The following JAZF1 variants were observed in gnomAD, a reference collection of about 807,000 sequenced individuals.
JAZF1 encodes the protein juxtaposed with another zinc finger protein 1.
Under a neutral mutation model 26.4 loss-of-function variants are expected in JAZF1, and 8 were observed. That is an observed-to-expected ratio of 0.30 (90% CI 0.18 to 0.55). The LOEUF is 0.55. Ranked by LOEUF, JAZF1 falls within the 20% of genes least tolerant of loss-of-function variation. JAZF1 has a pLI of 0.94. For synonymous variants in JAZF1, 126 were observed against 122.3 expected (o/e 1.03, Z -0.20); for missense variants, 199 against 322.0 (o/e 0.62, Z 2.92).
At chr7:28,115,753 T>C (rs1583568623) in intron 1 of JAZF1, among the ~76,000 whole-genome samples, 1 of 152,072 alleles carries the variant, frequency 6.6e-6, no homozygotes. Flanking sequence ...ATCCATGCTA[T>C]CCCCCACCTA....
rs577868279 is a variant in JAZF1 at position 27,960,962 on chromosome 7, A to G, written c.188+30947T>C. Reference sequence around the variant, plus strand: ...GAAAACCCTGGGGTGTTATAGAGGGAGCATGTGAGAGCAGGCAGTGCAGAA... The same window carrying G: ...GAAAACCCTGGGGTGTTATAGAGGGGGCATGTGAGAGCAGGCAGTGCAGAA... On this transcript the variant is annotated intron_variant, in intron 2 of 4. Coordinates refer to ENST00000283928, the MANE Select transcript of JAZF1 (RefSeq NM_175061.4). 2.6e-5 allele frequency among the ~76,000 whole-genome samples: 4 copies of G among 152,308 alleles called. No individual in the cohort carries two copies. In the South Asian group the frequency reaches 8.3e-4, roughly 32 times the overall value.
chr7:28,115,407 T>C (rs1784726458), intron 1 of JAZF1, among the ~76,000 whole-genome samples: 1 of 152,188 alleles, frequency 6.6e-6, no homozygotes, highest in South Asian at 2.1e-4. Context: ...CACATCTCAA[T>C]TTAGACTAGC....
chr7:27,910,349 A>G (rs775530335), intron 2 of JAZF1, among the ~76,000 whole-genome samples: 4 of 152,210 alleles, frequency 2.6e-5, no homozygotes, highest in Non-Finnish European at 5.9e-5. Flanking sequence ...TTTATGGGTT[A>G]TCTGGAAAAA....
intron 1 of JAZF1, among the ~76,000 whole-genome samples, chr7:28,153,312 C>T (rs937692797): frequency 3.5e-4 from 52 of 148,930 alleles, no homozygotes; most frequent in African/African-American, 1.2e-3. Context: ...AAGCATCACA[C>T]TTCCACTAAA....
At chr7:28,090,455 T>C (rs1784275956) in intron 1 of JAZF1, among the ~76,000 whole-genome samples, 1 of 152,244 alleles carries the variant, frequency 6.6e-6, no homozygotes, top group African/African-American at 2.4e-5. Flanking sequence ...AATCAAAGCA[T>C]AAGACTCTAG....
intron 2 of JAZF1, among the ~76,000 whole-genome samples, chr7:27,983,636 G>A (rs566015082): frequency 6.6e-5 from 10 of 152,224 alleles, no homozygotes; most frequent in African/African-American, 2.4e-4. Context: ...GCAACTCCAA[G>A]ACACATGATT....
chr7:28,082,042 T>A (rs1784145489), intron 1 of JAZF1, among the ~76,000 whole-genome samples: 1 of 152,226 alleles, frequency 6.6e-6, no homozygotes, highest in East Asian at 1.9e-4. Context: ...CATTCTGCGA[T>A]AACAATAAGT....
chr7:27,973,998 T>C (rs181562246), intron 2 of JAZF1, among the ~76,000 whole-genome samples: 1 of 152,250 alleles, frequency 6.6e-6, no homozygotes, highest in Admixed American at 6.5e-5. Context: ...TGGTGCCTGA[T>C]TATTTGGAAA....
chr7:28,084,390 G>A (rs1784182408), intron 1 of JAZF1, among the ~76,000 whole-genome samples: 1 of 152,182 alleles, frequency 6.6e-6, no homozygotes, highest in Admixed American at 6.5e-5. Flanking sequence ...CTCTTTAAAT[G>A]AAAACTCTTA....
At chr7:28,085,666 C>G (rs188766776) in intron 1 of JAZF1, among the ~76,000 whole-genome samples, 4 of 152,210 alleles carry the variant, frequency 2.6e-5, no homozygotes, top group Admixed American at 6.5e-5. Context: ...AAACTGAGCT[C>G]AGTAATCAAG....
chr7:27,875,306 A>G (rs1413487669), intron 3 of JAZF1, among the ~76,000 whole-genome samples: 1 of 152,080 alleles, frequency 6.6e-6, no homozygotes, highest in Admixed American at 6.6e-5. Context: ...CCAGCCTTAC[A>G]TCACTTTCCT....
chr7:27,982,238 G>T (rs1231985316), intron 2 of JAZF1, among the ~76,000 whole-genome samples: 3 of 152,094 alleles, frequency 2.0e-5, no homozygotes, highest in Non-Finnish European at 2.9e-5. Context: ...GGAAAATCGG[G>T]ACACTCCCAT....
At chr7:28,168,874 A>G (rs1159519268) in intron 1 of JAZF1, among the ~76,000 whole-genome samples, 5 of 152,214 alleles carry the variant, frequency 3.3e-5, no homozygotes, top group Non-Finnish European at 5.9e-5. Context: ...TGAGTTCCCA[A>G]CCTTGGCAAC....
chr7:27,902,345 G>A (rs1784179217), intron 2 of JAZF1, among the ~76,000 whole-genome samples: 1 of 152,160 alleles, frequency 6.6e-6, no homozygotes, highest in East Asian at 1.9e-4. Flanking sequence ...TACTACATGT[G>A]ATATACTCTG....
intron 2 of JAZF1, among the ~76,000 whole-genome samples, chr7:27,909,229 T>C (rs1326135756): frequency 2.0e-5 from 3 of 146,354 alleles, no homozygotes; most frequent in African/African-American, 8.3e-5. Context: ...TTTCTTTTTT[T>C]AATTGAAGAA....
intron 1 of JAZF1, among the ~76,000 whole-genome samples, chr7:28,110,771 T>C (rs552284723): frequency 6.6e-6 from 1 of 152,278 alleles, no homozygotes; most frequent in African/African-American, 2.4e-5. Context: ...CTCAGTGTCC[T>C]GAAGACTAAG....
In JAZF1 at chr7:28,112,116, C is replaced by T. The variant is rs141929690; in HGVS notation, c.115+68347G>A. 4.5e-3 allele frequency among the ~76,000 whole-genome samples: 681 copies of T among 152,096 alleles called. 6 individuals are homozygous for T. The highest frequency in any genetic ancestry group is 0.016 in the African/African-American group (651 of 41,468). On this transcript the variant is annotated intron_variant, in intron 1 of 4. Transcript: ENST00000283928. ...TGATCATGAGGTGTCTTCGCCTCTC[C>T]CCTGCTGGTGACAGATACTTGGCTG...
intron 1 of JAZF1, among the ~76,000 whole-genome samples, chr7:28,037,084 T>C (rs1015141485): frequency 1.6e-4 from 24 of 152,178 alleles, no homozygotes; most frequent in African/African-American, 5.8e-4. Flanking sequence ...CAGAGTTTAT[T>C]TGGGTACGTG....
intron 2 of JAZF1, among the ~76,000 whole-genome samples, chr7:27,980,573 A>C (rs1318168487): frequency 5.9e-5 from 9 of 152,138 alleles, no homozygotes; most frequent in African/African-American, 2.2e-4. Context: ...TTGCCAAAGA[A>C]AGTTTCATTT....
Sources: gnomAD v4.1 joint callset for allele counts (sites outside exome capture counted in the v4.1 genomes callset) on GRCh38, gnomAD v4.1.1 for gene constraint, MANE v1.5 for transcripts, NCBI Gene and HGNC (gene_info 2026-07-23, HGNC 2026-07-21) for gene names.